The following TSPAN33 variants were observed in gnomAD, a reference collection of about 807,000 sequenced individuals.
TSPAN33 encodes the protein tetraspanin 33, also known as tetraspanin-33.
Under a neutral mutation model 34.8 loss-of-function variants are expected in TSPAN33, and 27 were observed. That is an observed-to-expected ratio of 0.78 (90% CI 0.57 to 1.07). The LOEUF (loss-of-function observed/expected upper bound fraction) is 1.07, where lower values mean the gene tolerates loss of function less well. TSPAN33 is among the 50% of genes least tolerant of loss of function. TSPAN33 has a pLI of 0.00. For synonymous variants in TSPAN33, 119 were observed against 124.2 expected (o/e 0.96, Z 0.28); for missense variants, 272 against 324.9 (o/e 0.84, Z 1.25).
chr7:129,166,584 G>T (rs1240913068), intron 5 of TSPAN33, 194 bp from the exon 6 acceptor site: 1 of 574,836 alleles, frequency 1.7e-6, no homozygotes. Context: ...CGAAGTAATA[G>T]AAATTAAGAA....
chr7:129,155,597 AT>A (rs2150623665), intron 1 of TSPAN33, among the ~76,000 whole-genome samples: 1 of 152,272 alleles, frequency 6.6e-6, no homozygotes, highest in African/African-American at 2.4e-5. Context: ...TTATTAACAC[AT>A]TAGTATGATA....
chr7:129,164,929 C>T (rs1037332340), intron 5 of TSPAN33: 1 of 189,248 alleles, frequency 5.3e-6, no homozygotes, highest in Admixed American at 5.6e-5. Context: ...TACTCTTTCC[C>T]CCCTTCTCAC....
Position 129,144,951 on chromosome 7 carries a change from G to GC in TSPAN33, c.-25dup. ...CCGGCCGGCAGCCGCTGGGAAATAGGCCCCCGGGGGCGGTGGCGGCGGCGG... is the reference window on the plus strand; with the variant it reads ...CCGGCCGGCAGCCGCTGGGAAATAGGCCCCCCGGGGGCGGTGGCGGCGGCGG... On this transcript the variant is annotated 5_prime_UTR_variant, in exon 1 of 8. Coordinates refer to ENST00000486685, the MANE Select transcript of TSPAN33 (RefSeq NM_178562.5). 1.8e-6 allele frequency: 1 copy of GC among 558,032 alleles called. No homozygotes were observed. Among genetic ancestry groups the GC allele is most frequent in the South Asian group, 2.0e-5 (1 of 49,468 alleles). 34.6% of individuals were successfully genotyped at this position (558,032 alleles called of 1,614,324 possible). A position where few individuals can be genotyped will look rare whatever the true frequency, so the allele number is the denominator to read the frequency against.
intron 1 of TSPAN33, among the ~76,000 whole-genome samples, chr7:129,146,543 A>G (rs1303791845): frequency 6.6e-6 from 1 of 152,090 alleles, no homozygotes; most frequent in Non-Finnish European, 1.5e-5. Flanking sequence ...CCGCTGGGGG[A>G]AGTCCTCAGC....
intron 3 of TSPAN33, 63 bp downstream of exon 3, chr7:129,162,584 C>T (rs2150626967): frequency 1.3e-6 from 2 of 1,598,322 alleles, no homozygotes; most frequent in East Asian, 2.2e-5. Flanking sequence ...TCTTAGCCTC[C>T]CACGGCCCTT....
In TSPAN33 at chr7:129,167,579, C is replaced by T. The variant is rs1274513387; in HGVS notation, c.750+19C>T. 1.9e-6 allele frequency: 3 copies of T among 1,611,170 alleles called. No homozygotes were observed. The African/African-American group carries it at 4.0e-5, about 22-fold the overall frequency. On this transcript the variant is annotated intron_variant, in intron 7 of 7. Coordinates refer to ENST00000486685, the MANE Select transcript of TSPAN33 (RefSeq NM_178562.5). This position sits in a 1 kb window ranked among gnomAD's most constrained non-coding sequence, Gnocchi z 4.6. ...CCCCCAGGTAACTTACCCTGTGAGA[C>T]TTGTTGGTCCCACACACTCTGTAAA...
chr7:129,164,646 C>A, intron 5 of TSPAN33, 77 bp downstream of exon 5: 1 of 1,332,664 alleles, frequency 7.5e-7, no homozygotes, highest in Non-Finnish European at 1.1e-6. Context: ...CCCTCTATGC[C>A]TGTGGGGCTC....
chr7:129,150,196 G>C (rs1236396676), intron 1 of TSPAN33, among the ~76,000 whole-genome samples: 1 of 152,214 alleles, frequency 6.6e-6, no homozygotes, highest in Non-Finnish European at 1.5e-5. Context: ...CTGGACTTTG[G>C]ACTATGGAAG....
chr7:129,155,552 A>G lies in TSPAN33; in HGVS notation c.103-6127A>G, dbSNP rs1810654323. Among the ~76,000 whole-genome samples the G allele has an allele frequency of 2.0e-5, 3 of 152,294 alleles. No individual in the cohort carries two copies. In the East Asian group the frequency reaches 5.8e-4, roughly 29 times the overall value. On this transcript the variant is annotated intron_variant, in intron 1 of 7. Coordinates refer to ENST00000486685, the MANE Select transcript of TSPAN33 (RefSeq NM_178562.5). ...TTAAAAACATTTTAAGATAGTATTGAGAGTTCCTATATACCCCATACTCTG... is the reference window on the plus strand; with the variant it reads ...TTAAAAACATTTTAAGATAGTATTGGGAGTTCCTATATACCCCATACTCTG...
chr7:129,163,005 T>C (rs1474409206), intron 4 of TSPAN33, 98 bp downstream of exon 4: 3 of 1,155,576 alleles, frequency 2.6e-6, no homozygotes, highest in Admixed American at 4.0e-5. Context: ...CACAGCTCCT[T>C]CCCCTGAGAA....
In TSPAN33 at chr7:129,148,758, A is replaced by T. The variant is rs1317824447; in HGVS notation, c.102+3676A>T. 6.6e-6 allele frequency among the ~76,000 whole-genome samples: 1 copy of T among 152,024 alleles called. No individual in the cohort carries two copies. Among genetic ancestry groups the T allele is most frequent in the Non-Finnish European group, 1.5e-5 (1 of 68,014 alleles). On this transcript the variant is annotated intron_variant, in intron 1 of 7. Coordinates refer to ENST00000486685, the MANE Select transcript of TSPAN33 (RefSeq NM_178562.5). This position sits in a 1 kb window ranked among gnomAD's most constrained non-coding sequence, Gnocchi z 4.2. ...TTTTCTCACTTCCACTGCCACATAT[A>T]TGCACCCTTGTCCAGGTCTTCCCTA...
chr7:129,162,245 C>A (rs1173369551), intron 2 of TSPAN33, 149 bp from the exon 3 acceptor site: 1 of 1,180,760 alleles, frequency 8.5e-7, no homozygotes, highest in Non-Finnish European at 1.2e-6. Flanking sequence ...CCCCATGGGA[C>A]AGGGGTACTG....
rs57732820 is a variant in TSPAN33 at position 129,161,614 on chromosome 7, T to C, written c.103-65T>C. The C allele has an allele frequency of 1.6e-3, 2,523 of 1,533,992 alleles. 42 individuals carry two copies. The African/African-American group carries it at 0.031, about 19-fold the overall frequency. On this transcript the variant is annotated intron_variant, in intron 1 of 7. Coordinates refer to ENST00000486685, the MANE Select transcript of TSPAN33 (RefSeq NM_178562.5). ...TCCTTCTCCTGCTCTCCTAGGTTTC[T>C]CATGGCATTCAGGGCTCTCTGGTTT... is the stretch of plus-strand genomic sequence containing the variant.
chr7:129,166,716 T>C (rs1211475955), intron 5 of TSPAN33, 62 bp from the exon 6 acceptor site: 2 of 1,577,792 alleles, frequency 1.3e-6, no homozygotes, highest in African/African-American at 2.7e-5. Context: ...CTCTGAGAAT[T>C]CCCCTGGTCA....
intron 1 of TSPAN33, 150 bp downstream of exon 1, chr7:129,145,232 G>T: frequency 2.2e-6 from 1 of 456,872 alleles, no homozygotes; most frequent in Non-Finnish European, 3.9e-6. Context: ...GGGACACCCC[G>T]GGGACGCCGC....
In TSPAN33 at chr7:129,149,556, A is replaced by AAAAAAAG. The variant is rs560850975; in HGVS notation, c.102+4486_102+4492dup. 1.9e-3 allele frequency among the ~76,000 whole-genome samples: 288 copies of AAAAAAAG among 152,338 alleles called. 2 individuals are homozygous for AAAAAAAG. The highest frequency in any genetic ancestry group is 6.6e-3 in the African/African-American group (276 of 41,574). ...CAACAAAAGTGAAACTCCGTCTCAAAAAAAAAGAAAAAAGAAAACATAGAG... is the reference window on the plus strand; with the variant it reads ...CAACAAAAGTGAAACTCCGTCTCAAAAAAAAAGAAAAAAGAAAAAAGAAAACATAGAG... On this transcript the variant is annotated intron_variant, in intron 1 of 7. Transcript: ENST00000486685.
intron 5 of TSPAN33, 136 bp from the exon 6 acceptor site, chr7:129,166,642 T>G (rs986996967): frequency 1.2e-5 from 13 of 1,070,278 alleles, no homozygotes. Context: ...GAGCTCAAAG[T>G]TTAAGGCTGT....
intron 1 of TSPAN33, among the ~76,000 whole-genome samples, chr7:129,145,984 T>C (rs1810515276): frequency 6.6e-6 from 1 of 152,022 alleles, no homozygotes; most frequent in East Asian, 1.9e-4. Context: ...CCCTGTTTCC[T>C]GGCTAGAGAG....
chr7:129,161,430 A>C (rs1394365881), intron 1 of TSPAN33, among the ~76,000 whole-genome samples: 2 of 152,218 alleles, frequency 1.3e-5, no homozygotes, highest in Non-Finnish European at 2.9e-5. Flanking sequence ...AATAGGCATA[A>C]TGTCTGCCTC....
Sources: allele counts gnomAD v4.1 joint callset (sites outside exome capture counted in the v4.1 genomes callset), GRCh38; gene constraint gnomAD v4.1.1; non-coding constraint Gnocchi (gnomAD v3.1); transcripts MANE v1.5; gene names NCBI Gene and HGNC (gene_info 2026-07-23, HGNC 2026-07-21).